Variants in WWTR1 observed in about 807,000 individuals in gnomAD.
The protein encoded by WWTR1 is WW domain-containing transcription regulator protein 1.
Under a neutral mutation model 40.1 loss-of-function variants are expected in WWTR1, and 13 were observed. The observed-to-expected ratio is 0.32, with a 90% CI of 0.21 to 0.52. WWTR1 has a LOEUF of 0.52. Ranked by LOEUF, WWTR1 falls within the 20% of genes least tolerant of loss-of-function variation. The pLI is 0.97. For synonymous variants in WWTR1, 230 were observed against 210.1 expected (o/e 1.09, Z -0.82); for missense variants, 436 against 523.1 (o/e 0.83, Z 1.63).
chr3:149,522,481 T>C (rs1197758714), intron 6 of WWTR1, among the ~76,000 whole-genome samples: 2 of 152,106 alleles, frequency 1.3e-5, no homozygotes, highest in Admixed American at 1.3e-4. Flanking sequence ...AATTCAACAA[T>C]ATGACCTCAA....
chr3:149,647,698 G>A (rs1440068516), intron 2 of WWTR1, among the ~76,000 whole-genome samples: 2 of 152,186 alleles, frequency 1.3e-5, no homozygotes, highest in Non-Finnish European at 2.9e-5. Flanking sequence ...GCTATGAATG[G>A]AAAGATAAAA....
At chr3:149,592,306 T>C (rs1738767044) in intron 2 of WWTR1, among the ~76,000 whole-genome samples, 1 of 152,194 alleles carries the variant, frequency 6.6e-6, no homozygotes, top group Admixed American at 6.5e-5. Flanking sequence ...ATAGAATACA[T>C]TTTAAGAAGT....
chr3:149,532,491 A>C (rs75045913), intron 4 of WWTR1, among the ~76,000 whole-genome samples: 11,661 of 152,328 alleles, frequency 0.077, 546 homozygotes, highest in Admixed American at 0.12. Flanking sequence ...ATTTGTTCGA[A>C]TATAAATGGA....
chr3:149,543,959 GGTTTCACTAT>G lies in WWTR1; in HGVS notation c.569-1432_569-1423del, dbSNP rs1736254577. ...GTATATATTTTAAACATAGAGACGA[GGTTTCACTAT>G]GTTGCCTAGGCTGGTCTTGAATTCC... On this transcript the variant is annotated intron_variant, in intron 3 of 6. Coordinates refer to ENST00000360632, the MANE Select transcript of WWTR1 (RefSeq NM_015472.6). Among the ~76,000 whole-genome samples the G allele has an allele frequency of 8.6e-5, 13 of 151,226 alleles. No individual in the cohort carries two copies. In the South Asian group the frequency reaches 2.7e-3, roughly 31 times the overall value.
intron 4 of WWTR1, among the ~76,000 whole-genome samples, chr3:149,532,583 GA>G (rs1054216101): frequency 6.6e-6 from 1 of 151,630 alleles, no homozygotes; most frequent in Admixed American, 6.6e-5. Context: ...GCCTTTTTTT[GA>G]ATGAAAATAC....
At chr3:149,536,564 G>A (rs1735844452) in intron 4 of WWTR1, among the ~76,000 whole-genome samples, 1 of 152,012 alleles carries the variant, frequency 6.6e-6, no homozygotes, top group Non-Finnish European at 1.5e-5. Context: ...TGTCAGGATG[G>A]CTGTGCGAGG....
intron 3 of WWTR1, among the ~76,000 whole-genome samples, chr3:149,553,038 A>G (rs1163308522): frequency 6.6e-6 from 1 of 152,240 alleles, no homozygotes; most frequent in Non-Finnish European, 1.5e-5. Flanking sequence ...CACTAAGGTT[A>G]GCTTCTGCTC....
intron 4 of WWTR1, among the ~76,000 whole-genome samples, chr3:149,723,176 TTTTC>T (rs201992073): frequency 0.3 from 36,029 of 121,844 alleles, 5,174 homozygotes; most frequent in Middle Eastern, 0.44. Flanking sequence ...GCTGGTTTTC[TTTTC>T]TTTTCTTTTT....
intron 2 of WWTR1, among the ~76,000 whole-genome samples, chr3:149,628,035 T>C (rs1740655300): frequency 7.1e-6 from 1 of 141,752 alleles, no homozygotes; most frequent in African/African-American, 2.7e-5. Context: ...ATGGCGCCAT[T>C]GCGCTGTAGC....
chr3:149,678,591 C>A (rs972866026), intron 1 of WWTR1, among the ~76,000 whole-genome samples: 1 of 152,114 alleles, frequency 6.6e-6, no homozygotes, highest in Admixed American at 6.6e-5. Flanking sequence ...TGAGGCAAGT[C>A]GCCAAGCCCT....
At chr3:149,719,338 T>A (rs1303545507) in intron 4 of WWTR1, among the ~76,000 whole-genome samples, 1 of 151,874 alleles carries the variant, frequency 6.6e-6, no homozygotes, top group African/African-American at 2.4e-5. Context: ...GCCCAGCTAA[T>A]TTTTTTATTT....
At chr3:149,643,161 G>A (rs183667801) in intron 2 of WWTR1, among the ~76,000 whole-genome samples, 5 of 152,250 alleles carry the variant, frequency 3.3e-5, no homozygotes, top group South Asian at 4.2e-4. Context: ...CTGGCCTGGC[G>A]AACTTACTTG....
At chr3:149,522,696 T>A (rs905365917) in intron 6 of WWTR1, among the ~76,000 whole-genome samples, 1 of 152,086 alleles carries the variant, frequency 6.6e-6, no homozygotes, top group African/African-American at 2.4e-5. Flanking sequence ...ATTTTAACTT[T>A]CAGATACTCA....
At chr3:149,684,870 C>CT (rs1559840734) in intron 1 of WWTR1, among the ~76,000 whole-genome samples, 1 of 152,034 alleles carries the variant, frequency 6.6e-6, no homozygotes, top group South Asian at 2.1e-4. Context: ...AGCCTTCTTT[C>CT]TTTTTTTATT....
chr3:149,578,582 G>C (rs529409400), intron 2 of WWTR1, among the ~76,000 whole-genome samples: 9 of 152,290 alleles, frequency 5.9e-5, no homozygotes, highest in Admixed American at 5.2e-4. Flanking sequence ...ACATAGTAAA[G>C]GCAAAGATAA....
Position 149,710,606 on chromosome 3 carries a change from G to A in WWTR1, n.584+6836C>T, listed in dbSNP as rs570045787. Among the ~76,000 whole-genome samples, 5 of 101,010 alleles carry A rather than the reference G, an allele frequency of 4.9e-5. No individual in the cohort carries two copies. In the South Asian group the frequency reaches 1.7e-3, roughly 35 times the overall value. The allele number at this position is 101,010 out of a possible 152,430, so 66.3% of individuals were successfully genotyped here. A position where few individuals can be genotyped will look rare whatever the true frequency, so the allele number is the denominator to read the frequency against. ...CCTTTTTTTTTTTTTTTGAGATTGA[G>A]TCTCGCTCTGTCGCCCAGGCTAGAA... On this transcript the variant is annotated intron_variant and non_coding_transcript_variant, in intron 5 of 6. Coordinates refer to the WWTR1 transcript ENST00000474080.
At chr3:149,580,720 C>T (rs2108011893) in intron 2 of WWTR1, among the ~76,000 whole-genome samples, 1 of 152,336 alleles carries the variant, frequency 6.6e-6, no homozygotes, top group East Asian at 1.9e-4. Flanking sequence ...TCAGGCAATT[C>T]TCCTCCTTTA....
chr3:149,702,464 CTTATTATTA>C (rs151003115), intron 1 of WWTR1: 74 of 147,272 alleles, frequency 5.0e-4, no homozygotes, highest in African/African-American at 1.6e-3. Context: ...CTCTCTAAGC[CTTATTATTA>C]TTATTATTAT....
intron 1 of WWTR1, among the ~76,000 whole-genome samples, chr3:149,685,559 C>G (rs1469603252): frequency 6.6e-6 from 1 of 152,174 alleles, no homozygotes; most frequent in Non-Finnish European, 1.5e-5. Flanking sequence ...CTTCTTCAGG[C>G]TCTTCTCCTG....
Sources: allele counts gnomAD v4.1 joint callset (sites outside exome capture counted in the v4.1 genomes callset), GRCh38; gene constraint gnomAD v4.1.1; transcripts MANE v1.5; gene names NCBI Gene and HGNC (gene_info 2026-07-23, HGNC 2026-07-21).